Variants in OTUD7B observed in about 807,000 individuals in gnomAD.
OTUD7B encodes the protein OTU domain-containing protein 7B.
OTUD7B carries 34 observed loss-of-function variants against 82.2 expected under a neutral mutation model. The observed-to-expected ratio is 0.41, with a 90% CI of 0.31 to 0.55. The LOEUF is 0.55. OTUD7B is among the 20% of genes least tolerant of loss of function. OTUD7B has a pLI of 0.20. For synonymous variants in OTUD7B, 398 were observed against 402.7 expected (o/e 0.99, Z 0.14); for missense variants, 944 against 1,062.1 (o/e 0.89, Z 1.55).
chr1:150,002,662 T>C (rs185034890), intron 1 of OTUD7B, among the ~76,000 whole-genome samples: 18 of 152,304 alleles, frequency 1.2e-4, no homozygotes, highest in African/African-American at 3.6e-4. Context: ...ACCTAGTACA[T>C]GCTGAAGACT....
chr1:149,986,196 T>G (rs1200766018), intron 1 of OTUD7B, among the ~76,000 whole-genome samples: 2 of 151,440 alleles, frequency 1.3e-5, no homozygotes, highest in Non-Finnish European at 2.9e-5. Flanking sequence ...AGCAGGCAAT[T>G]TTTGTTCAGA....
intron 2 of OTUD7B, among the ~76,000 whole-genome samples, chr1:149,974,551 C>CCTT (rs1559848221): frequency 6.7e-4 from 22 of 32,828 alleles, no homozygotes; most frequent in African/African-American, 1.8e-3. Context: ...TCTTAGTTAA[C>CCTT]TTTTTTTTTT....
In OTUD7B at chr1:149,944,529, A is replaced by C; in HGVS notation, c.1860T>G (p.Arg620=). Residue 620 remains arginine, a synonymous_variant, in exon 12 of 12, where the codon CGT becomes CGG. Transcript: ENST00000581312. ...IFVGTLKMGH[R]HQYQEEMIQR... ...GGATCATTTCCTCCTGATACTGGTG[A>C]CGGTGACCCATCTTCAGGGTTCCAA... The C allele has an allele frequency of 1.2e-6, 2 of 1,614,038 alleles. No individual in the cohort carries two copies. The highest frequency in any genetic ancestry group is 1.1e-5 in the South Asian group (1 of 91,078).
chr1:149,992,465 G>GCGTT (rs1651638498), intron 1 of OTUD7B, among the ~76,000 whole-genome samples: 1 of 45,946 alleles, frequency 2.2e-5, no homozygotes, highest in Non-Finnish European at 5.0e-5. Flanking sequence ...TTGTGTGCAT[G>GCGTT]TGTTTTTTTT....
At chr1:149,998,399 A>G (rs1375554618) in intron 1 of OTUD7B, among the ~76,000 whole-genome samples, 2 of 152,206 alleles carry the variant, frequency 1.3e-5, no homozygotes, top group Non-Finnish European at 2.9e-5. Context: ...ACTCCAATTT[A>G]TCTAACTCTC....
At chr1:149,999,985 G>A (rs1571726991) in intron 1 of OTUD7B, among the ~76,000 whole-genome samples, 1 of 152,302 alleles carries the variant, frequency 6.6e-6, no homozygotes, top group Non-Finnish European at 1.5e-5. Context: ...TATTCTCTAA[G>A]TAGGTATCTG....
chr1:150,037,801 C>T, the OTUD7B span, among the ~76,000 whole-genome samples: 2 of 151,898 alleles, frequency 1.3e-5, no homozygotes, highest in African/African-American at 2.4e-5. Flanking sequence ...ATTCTGATAT[C>T]TTTTAAATAA....
chr1:149,945,252 T>C (rs1647632203), intron 11 of OTUD7B, among the ~76,000 whole-genome samples, 187 bp from the exon 12 acceptor site: 2 of 152,044 alleles, frequency 1.3e-5, no homozygotes, highest in Admixed American at 6.6e-5. Context: ...AGTGACTGCC[T>C]TGCTCCAGAG....
the OTUD7B span, among the ~76,000 whole-genome samples, chr1:150,020,562 A>G: frequency 6.6e-6 from 1 of 152,008 alleles, no homozygotes; most frequent in Non-Finnish European, 1.5e-5. Flanking sequence ...AAAAAATTAA[A>G]TATCTAGGTA....
intron 7 of OTUD7B, among the ~76,000 whole-genome samples, chr1:149,951,433 G>A (rs186399483): frequency 2.6e-5 from 4 of 152,142 alleles, no homozygotes; most frequent in Admixed American, 6.5e-5. Flanking sequence ...TCTGTCTCCC[G>A]GGCTTATCTT....
At chr1:150,016,715 G>A in the OTUD7B span, among the ~76,000 whole-genome samples, 1 of 152,176 alleles carries the variant, frequency 6.6e-6, no homozygotes, top group African/African-American at 2.4e-5. Flanking sequence ...GCCTCCCAAA[G>A]TGCTGAGATT....
chr1:149,998,450 A>G (rs1559864331), intron 1 of OTUD7B, among the ~76,000 whole-genome samples: 1 of 152,184 alleles, frequency 6.6e-6, no homozygotes, highest in Non-Finnish European at 1.5e-5. Context: ...CCTCCTAGGT[A>G]AAACACTGTG....
chr1:149,988,911 ACTAGG>A (rs1553781437), intron 1 of OTUD7B, among the ~76,000 whole-genome samples: 2 of 152,222 alleles, frequency 1.3e-5, no homozygotes. Flanking sequence ...AAATCAAGAG[ACTAGG>A]CTAATAGCAA....
chr1:150,059,635 G>A, the OTUD7B span, among the ~76,000 whole-genome samples: 1 of 151,944 alleles, frequency 6.6e-6, no homozygotes, highest in East Asian at 1.9e-4. Flanking sequence ...CTCCTAAAGT[G>A]CTGGGATTAC....
At chr1:150,054,531 G>A in the OTUD7B span, 5 of 461,220 alleles carry the variant, frequency 1.1e-5, no homozygotes, top group Non-Finnish European at 2.1e-5. Context: ...CTGCAGGCAG[G>A]GCATGGTGAC....
At chr1:149,985,571 CT>C in intron 1 of OTUD7B, among the ~76,000 whole-genome samples, 1 of 152,062 alleles carries the variant, frequency 6.6e-6, no homozygotes, top group Middle Eastern at 3.4e-3. Context: ...GAACCCATCT[CT>C]ACAAAAAAAT....
intron 1 of OTUD7B, among the ~76,000 whole-genome samples, chr1:149,999,710 A>G (rs1553784233): frequency 6.6e-6 from 1 of 152,200 alleles, no homozygotes; most frequent in East Asian, 1.9e-4. Flanking sequence ...ATAAATAAAT[A>G]AACAAACTAC....
At chr1:149,992,703 C>T (rs1313346043) in intron 1 of OTUD7B, among the ~76,000 whole-genome samples, 1 of 151,860 alleles carries the variant, frequency 6.6e-6, no homozygotes, top group Non-Finnish European at 1.5e-5. Flanking sequence ...AACTCCTGGC[C>T]TCAAGTGATC....
chr1:150,018,007 C>G, the OTUD7B span, among the ~76,000 whole-genome samples: 2 of 152,060 alleles, frequency 1.3e-5, no homozygotes, highest in Non-Finnish European at 2.9e-5. Context: ...TCCCATGTTG[C>G]TTATGGTCTA....
Sources: allele counts gnomAD v4.1 joint callset (sites outside exome capture counted in the v4.1 genomes callset), GRCh38; gene constraint gnomAD v4.1.1; transcripts MANE v1.5; gene names NCBI Gene and HGNC (gene_info 2026-07-23, HGNC 2026-07-21).